LRWD1: variants seen among roughly 807,000 people sequenced by gnomAD.
LRWD1 encodes leucine rich repeats and WD repeat domain containing 1.
LRWD1 carries 76 observed loss-of-function variants against 75.6 expected under a neutral mutation model. That is an observed-to-expected ratio of 1.01 (90% CI 0.84 to 1.22). The LOEUF (loss-of-function observed/expected upper bound fraction) is 1.22, where lower values mean the gene tolerates loss of function less well. Among genes scored for constraint, LRWD1 ranks in the 50% most tolerant of loss-of-function variants. LRWD1 has a pLI of 0.00. For synonymous variants in LRWD1, 487 were observed against 377.0 expected (o/e 1.29, Z -3.38); for missense variants, 917 against 862.0 (o/e 1.06, Z -0.80).
intron 4 of LRWD1, 60 bp from the exon 5 acceptor site, chr7:102,467,659 C>G: frequency 6.6e-7 from 1 of 1,516,576 alleles, no homozygotes; most frequent in Non-Finnish European, 9.0e-7. Flanking sequence ...GACTATGCAT[C>G]GGCAGGGCTG....
At chr7:102,468,438 G>A (rs1798081526) in intron 7 of LRWD1, 61 bp downstream of exon 7, 6 of 1,543,958 alleles carry the variant, frequency 3.9e-6, no homozygotes, top group Non-Finnish European at 5.3e-6. Flanking sequence ...TGGATGGGTG[G>A]GGGATCAGGA....
chr7:102,471,489 G>A (rs60871950), intron 11 of LRWD1: 50,932 of 154,518 alleles, frequency 0.33, 9,770 homozygotes, highest in Non-Finnish European at 0.44. Context: ...GGTAGTTATG[G>A]GCTTCTCTTT....
intron 3 of LRWD1, among the ~76,000 whole-genome samples, 160 bp from the exon 4 acceptor site, chr7:102,467,179 T>G (rs1222412663): frequency 5.4e-5 from 7 of 129,838 alleles, no homozygotes; most frequent in East Asian, 2.1e-4. Flanking sequence ...GGGGTGTGTG[T>G]GTGTGTGTGT....
At chr7:102,468,773 C>A in intron 8 of LRWD1, 82 bp from the exon 9 acceptor site, 1 of 1,536,744 alleles carries the variant, frequency 6.5e-7, no homozygotes, top group Non-Finnish European at 8.8e-7. Flanking sequence ...CATGCTGGGG[C>A]TCCCTCCCCC....
Position 102,465,042 on chromosome 7 carries a change from G to C in LRWD1, c.-39G>C. On this transcript the variant is annotated 5_prime_UTR_variant, in exon 1 of 15. Transcript: ENST00000292616. ...GACGCAGGGCGACGCCACACGCCGG[G>C]GTGGCCGACTGGGTCAGCGCGGGCT... 2 of 1,443,152 alleles carry C rather than the reference G, an allele frequency of 1.4e-6. No homozygotes were observed. Among genetic ancestry groups the C allele is most frequent in the Non-Finnish European group, 1.8e-6 (2 of 1,096,334 alleles). The allele number at this position is 1,443,152 out of a possible 1,614,324, so 89.4% of individuals were successfully genotyped here. A position where few individuals can be genotyped will look rare whatever the true frequency, so the allele number is the denominator to read the frequency against.
chr7:102,472,391 T>C, intron 12 of LRWD1, 63 bp from the exon 13 acceptor site: 1 of 1,550,342 alleles, frequency 6.5e-7, no homozygotes, highest in Admixed American at 2.0e-5. Flanking sequence ...CTTCTGAGGA[T>C]CTCTAGTGGG....
intron 3 of LRWD1, among the ~76,000 whole-genome samples, 168 bp from the exon 4 acceptor site, chr7:102,467,171 G>GGTGT (rs1209487514): frequency 0.011 from 1,055 of 99,062 alleles, 44 homozygotes; most frequent in African/African-American, 0.033. Context: ...GTGTGTGTGG[G>GGTGT]GTGTGTGTGT....
chr7:102,468,977 C>A lies in LRWD1; in HGVS notation c.1143C>A (p.Ala381=), dbSNP rs371049831. 4 of 1,612,684 alleles carry A rather than the reference C, an allele frequency of 2.5e-6. No homozygotes were observed. Among genetic ancestry groups the A allele is most frequent in the Non-Finnish European group, 3.4e-6 (4 of 1,179,828 alleles). ...TGGTCCGGCTGCTGCACGTGCGTGC[C>A]GGCTTCTGCTGCGGGGTCATCCGAG... ...RGLVRLLHVR[A]GFCCGVIRAH... is the part of the protein sequence containing the mutation. Residue 381 remains alanine (A), a synonymous_variant, in exon 9 of 15, where the codon GCC becomes GCA. Transcript: ENST00000292616.
rs568739554 is a variant in LRWD1 at position 102,466,539 on chromosome 7, C to G, written c.432+269C>G. Among the ~76,000 whole-genome samples the G allele has an allele frequency of 5.1e-4, 78 of 152,190 alleles. 1 individual carries two copies. Among genetic ancestry groups the G allele is most frequent in the African/African-American group, 1.3e-3 (53 of 41,520 alleles). ...AAGTGATTTTCCTGCCTCAGCCTCC[C>G]GAGTAACTAGGATTACAAGCACCTG... is the stretch of plus-strand genomic sequence containing the variant. On this transcript the variant is annotated intron_variant, in intron 3 of 14. Transcript: ENST00000292616.
chr7:102,469,561 A>G lies in LRWD1; in HGVS notation c.1229-13A>G. 1 of 1,613,480 alleles carries G rather than the reference A, an allele frequency of 6.2e-7. No individual in the cohort carries two copies. Among genetic ancestry groups the G allele is most frequent in the South Asian group, 1.1e-5 (1 of 91,070 alleles). The stretch of plus-strand genomic sequence containing the variant: ...CTCAGGGCCACTTCTCCCCTACCCC[A>G]CCCCCTCTTCAGCGGCCTCCTATGA... On this transcript the variant is annotated splice_polypyrimidine_tract_variant and intron_variant, in intron 9 of 14. Coordinates refer to ENST00000292616, the MANE Select transcript of LRWD1 (RefSeq NM_152892.3).
rs779144612 is a variant in LRWD1 at position 102,473,090 on chromosome 7, C to G, written c.*41C>G. ...AAGGACCAGGGACACAGCTAACTAA[C>G]TTATTCAGCTTTGGGCCGATGGGGG... On this transcript the variant is annotated 3_prime_UTR_variant, in exon 15 of 15. Coordinates refer to ENST00000292616, the MANE Select transcript of LRWD1 (RefSeq NM_152892.3). The G allele has an allele frequency of 1.8e-5, 28 of 1,568,486 alleles. No homozygotes were observed. Among genetic ancestry groups the G allele is most frequent in the Non-Finnish European group, 2.3e-5 (27 of 1,152,652 alleles).
chr7:102,469,140 C>G (rs1798108809), intron 9 of LRWD1, 78 bp downstream of exon 9: 3 of 1,327,552 alleles, frequency 2.3e-6, no homozygotes, highest in Non-Finnish European at 3.1e-6. Flanking sequence ...GCTCCCCTCC[C>G]TGGGATGGCT....
At chr7:102,469,433 T>C (rs781170128) in intron 9 of LRWD1, 141 bp from the exon 10 acceptor site, 15 of 915,664 alleles carry the variant, frequency 1.6e-5, no homozygotes, top group Non-Finnish European at 2.2e-5. Context: ...CCCAGGAGTG[T>C]TCCTGTCTCC....
At chr7:102,467,153 TTGCTGGGGTGTGTGTGGG>T (rs1798018053) in intron 3 of LRWD1, among the ~76,000 whole-genome samples, 168 bp from the exon 4 acceptor site, 15 of 96,570 alleles carry the variant, frequency 1.6e-4, no homozygotes, top group South Asian at 3.3e-4. Context: ...ACCTGGGTTG[TTGCTGGGGTGTGTGTGGG>T]GTGTGTGTGT....
chr7:102,468,018 A>C, intron 5 of LRWD1, 44 bp from the exon 6 acceptor site: 3 of 1,589,818 alleles, frequency 1.9e-6, no homozygotes, highest in Non-Finnish European at 2.6e-6. Flanking sequence ...GGAGGAAGGA[A>C]GCCCCAGGCA....
In LRWD1 at chr7:102,469,773, C is replaced by A; in HGVS notation, c.1333C>A (p.Pro445Thr). ...GCTCACACTGGACACCACCTCTATC[C>A]CCCTGCGCCTCTGCCCTGTCGCCTC... The part of the protein sequence containing the change: ...QLLTLDTTSI[P>T]LRLCPVASCP... Residue 445 changes from proline (P) to threonine (T), a missense_variant, in exon 11 of 15, where the codon CCC becomes ACC. Transcript: ENST00000292616. The A allele has an allele frequency of 1.2e-6, 2 of 1,609,778 alleles. No individual in the cohort carries two copies. The highest frequency in any genetic ancestry group is 1.7e-6 in the Non-Finnish European group (2 of 1,177,382).
intron 3 of LRWD1, among the ~76,000 whole-genome samples, chr7:102,466,771 T>G (rs1322854947): frequency 1.3e-4 from 1 of 7,776 alleles, no homozygotes; most frequent in Non-Finnish European, 8.1e-4. Context: ...TTTTTTTTTT[T>G]TTTTTTTTTT....
At chr7:102,466,686 G>A (rs377263679) in intron 3 of LRWD1, among the ~76,000 whole-genome samples, 11 of 150,970 alleles carry the variant, frequency 7.3e-5, no homozygotes, top group African/African-American at 1.5e-4. Context: ...CCAAAGTGTC[G>A]GGATTACAGG....
chr7:102,465,308 T>C, intron 1 of LRWD1, 148 bp downstream of exon 1: 1 of 820,870 alleles, frequency 1.2e-6, no homozygotes, highest in Non-Finnish European at 1.7e-6. Flanking sequence ...TGGGAGATCG[T>C]GGCCCCACCC....
Sources: allele counts gnomAD v4.1 joint callset (sites outside exome capture counted in the v4.1 genomes callset), GRCh38; gene constraint gnomAD v4.1.1; transcripts MANE v1.5; gene names NCBI Gene and HGNC (gene_info 2026-07-23, HGNC 2026-07-21).